TMC7: variants seen among roughly 807,000 people sequenced by gnomAD.
TMC7 encodes the protein transmembrane channel like 7.
A neutral mutation model predicts 82.9 loss-of-function variants in TMC7; 54 were observed. The observed-to-expected ratio is 0.65, with a 90% CI of 0.52 to 0.82. The LOEUF is 0.82. Ranked by LOEUF, TMC7 falls within the 40% of genes least tolerant of loss-of-function variation. TMC7 has a pLI of 0.00. For missense variants in TMC7, 820 were observed against 901.2 expected (o/e 0.91, Z 1.15); for synonymous variants, 350 against 337.9 (o/e 1.04, Z -0.39).
At chr16:19,036,084 C>CT (rs1430844825) in intron 7 of TMC7, among the ~76,000 whole-genome samples, 1 of 152,152 alleles carries the variant, frequency 6.6e-6, no homozygotes, top group Non-Finnish European at 1.5e-5. Flanking sequence ...AAGGTGATGT[C>CT]TTTCCCCACA....
intron 1 of TMC7, among the ~76,000 whole-genome samples, chr16:18,985,484 G>A (rs2038829395): frequency 6.6e-6 from 1 of 152,120 alleles, no homozygotes; most frequent in Non-Finnish European, 1.5e-5. Flanking sequence ...AGCTAGTCAA[G>A]TATTTTTTTA....
At chr16:19,039,975 G>T (rs558936507) in intron 8 of TMC7, among the ~76,000 whole-genome samples, 1 of 151,858 alleles carries the variant, frequency 6.6e-6, no homozygotes, top group African/African-American at 2.4e-5. Flanking sequence ...AATTAGCCTG[G>T]CATGGTGGGG....
At chr16:18,994,499 T>G (rs1021727250) in intron 1 of TMC7, among the ~76,000 whole-genome samples, 6 of 149,744 alleles carry the variant, frequency 4.0e-5, no homozygotes. Context: ...ACTTTGGCTG[T>G]GTGTAATGAA....
intron 2 of TMC7, among the ~76,000 whole-genome samples, chr16:19,015,456 C>T (rs1959636367): frequency 6.6e-6 from 1 of 151,816 alleles, no homozygotes; most frequent in African/African-American, 2.4e-5. Flanking sequence ...TGAATAATAT[C>T]CTATTGTGTG....
intron 3 of TMC7, among the ~76,000 whole-genome samples, chr16:19,017,861 G>A (rs760644672): frequency 1.3e-5 from 2 of 152,000 alleles, no homozygotes; most frequent in African/African-American, 2.4e-5. Flanking sequence ...TAGTAGAGAC[G>A]GGGTTTCACC....
At chr16:19,017,140 G>A (rs1344478932) in intron 3 of TMC7, among the ~76,000 whole-genome samples, 5 of 152,000 alleles carry the variant, frequency 3.3e-5, no homozygotes, top group Non-Finnish European at 7.4e-5. Flanking sequence ...AGCTGAGACC[G>A]CACTATTGCA....
chr16:19,042,478 C>A (rs1044619987), intron 9 of TMC7, among the ~76,000 whole-genome samples: 24 of 151,146 alleles, frequency 1.6e-4, no homozygotes, highest in Middle Eastern at 3.4e-3. Flanking sequence ...TGCCCAGTCT[C>A]CCTTATTCTT....
chr16:19,015,694 C>T (rs1385562776), intron 2 of TMC7, among the ~76,000 whole-genome samples: 4 of 151,598 alleles, frequency 2.6e-5, no homozygotes, highest in Admixed American at 6.6e-5. Context: ...TCTTCTGCCT[C>T]GGCCTCCCAA....
chr16:19,016,018 T>C (rs375960503), intron 2 of TMC7, among the ~76,000 whole-genome samples: 1 of 152,246 alleles, frequency 6.6e-6, no homozygotes, highest in African/African-American at 2.4e-5. Context: ...TTTATATTCC[T>C]TGCAGCAATG....
intron 13 of TMC7, among the ~76,000 whole-genome samples, chr16:19,054,029 T>C (rs1159009467): frequency 1.3e-5 from 2 of 152,052 alleles, no homozygotes; most frequent in Admixed American, 6.6e-5. Context: ...TTCAGTCATA[T>C]GAATGGGCCA....
At chr16:19,045,976 C>T (rs1961258373) in intron 11 of TMC7, among the ~76,000 whole-genome samples, 1 of 152,120 alleles carries the variant, frequency 6.6e-6, no homozygotes, top group African/African-American at 2.4e-5. Flanking sequence ...GATCCTCCTG[C>T]CTCAGCCTTC....
intron 6 of TMC7, among the ~76,000 whole-genome samples, chr16:19,034,619 T>G (rs956188655): frequency 2.1e-5 from 3 of 140,430 alleles, no homozygotes; most frequent in African/African-American, 9.6e-5. Flanking sequence ...AATAAGTAAA[T>G]AAATAAATAA....
At chr16:19,029,531 A>G (rs1225883463) in intron 5 of TMC7, among the ~76,000 whole-genome samples, 3 of 151,880 alleles carry the variant, frequency 2.0e-5, no homozygotes, top group Admixed American at 2.0e-4. Flanking sequence ...CTCTATGCCT[A>G]GCTAATTTTT....
intron 1 of TMC7, among the ~76,000 whole-genome samples, chr16:18,987,470 C>T (rs1335945611): frequency 6.6e-6 from 1 of 151,968 alleles, no homozygotes; most frequent in Admixed American, 6.6e-5. Context: ...GCCACCATGC[C>T]CAGCTGATTT....
chr16:19,025,946 G>C (rs1428913956), intron 5 of TMC7, among the ~76,000 whole-genome samples: 4 of 151,876 alleles, frequency 2.6e-5, no homozygotes, highest in Non-Finnish European at 5.9e-5. Context: ...GTATGTGCGT[G>C]TGTTTGTTTT....
chr16:19,005,422 G>A (rs1293428062), intron 1 of TMC7, among the ~76,000 whole-genome samples: 1 of 152,316 alleles, frequency 6.6e-6, no homozygotes, highest in East Asian at 1.9e-4. Flanking sequence ...CTGGTACAAG[G>A]TAGGCAAGTA....
rs771463397 is a variant in TMC7, at chr16:19,040,299, A to G, written c.1190A>G (p.Lys397Arg). Residue 397 changes from lysine (K) to arginine (R), a missense_variant, in exon 9 of 16, where the codon AAG (lysine) becomes AGG (arginine). Physicochemically the swap from Lys to Arg is conservative, Grantham distance 26 (BLOSUM62 2). Around this residue, in one of 2 missense-constraint regions of TMC7, gnomAD observed 650 missense variants for 669.9 expected, o/e 0.97. Transcript: ENST00000304381. Reference sequence around the variant, plus strand: ...TTGTTATCCTCCTAGGAAATCGACAAGATGGTTTTTGGAGAGAACCTCTTC... The same window carrying G: ...TTGTTATCCTCCTAGGAAATCGACAGGATGGTTTTTGGAGAGAACCTCTTC... The part of the protein sequence containing the change: ...SQEHMKKEID[K>R]MVFGENLFIL... 5.0e-6 allele frequency: 8 copies of G among 1,613,276 alleles called. No individual in the cohort carries two copies. In the South Asian group the frequency reaches 6.6e-5, roughly 13 times the overall value.
At position 18,984,008 on chromosome 16, in the gene TMC7, G is replaced by GGCGGCGGCGGCTGGAGAGGGTCC; in HGVS notation, c.-55_-33dup. The GGCGGCGGCGGCTGGAGAGGGTCC allele has an allele frequency of 7.3e-7, 1 of 1,370,164 alleles. No homozygotes were observed. The highest frequency in any genetic ancestry group is 9.4e-7 in the Non-Finnish European group (1 of 1,068,420). The allele number at this position is 1,370,164 out of a possible 1,614,324, so 84.9% of individuals were successfully genotyped here. A position where few individuals can be genotyped will look rare whatever the true frequency, so the allele number is the denominator to read the frequency against. On this transcript the variant is annotated 5_prime_UTR_variant, in exon 1 of 16. An upstream open reading frame in the 5' UTR gains an earlier in-frame stop. Coordinates refer to ENST00000304381, the MANE Select transcript of TMC7 (RefSeq NM_024847.4). ...GAGGGAAGGCCGGGGAGGCGGCGGC[G>GGCGGCGGCGGCTGGAGAGGGTCC]GCGGCGGCGGCTGGAGAGGGTCCTC...
intron 1 of TMC7, among the ~76,000 whole-genome samples, chr16:19,003,760 GC>G (rs1178725348): frequency 3.6e-5 from 3 of 84,102 alleles, no homozygotes; most frequent in African/African-American, 9.4e-5. Flanking sequence ...TGAAACATGT[GC>G]TGTGTCCACT....
Sources: allele counts gnomAD v4.1 joint callset (sites outside exome capture counted in the v4.1 genomes callset), GRCh38; gene constraint gnomAD v4.1.1; regional missense constraint gnomAD v4.1.1; transcripts MANE v1.5; gene names NCBI Gene and HGNC (gene_info 2026-07-23, HGNC 2026-07-21).